Variants in LARGE1 observed in about 807,000 individuals in gnomAD.
LARGE1 encodes the protein LARGE xylosyl- and glucuronyltransferase 1, also known as xylosyl- and glucuronyltransferase LARGE1.
LARGE1 carries 43 observed loss-of-function variants against 87.6 expected under a neutral mutation model. That is an observed-to-expected ratio of 0.49 (90% CI 0.38 to 0.63). LARGE1 has a LOEUF of 0.63. Ranked by LOEUF, LARGE1 falls within the 30% of genes least tolerant of loss-of-function variation. LARGE1 has a pLI of 0.00. For missense variants in LARGE1, 802 were observed against 1,000.2 expected, an observed-to-expected ratio of 0.80 and a Z score of 2.67; for synonymous variants, 434 against 394.6, an observed-to-expected ratio of 1.10 and a Z score of -1.18.
chr22:33,562,286 A>T (rs1325379342), intron 6 of LARGE1, among the ~76,000 whole-genome samples: 1 of 152,134 alleles, frequency 6.6e-6, no homozygotes, highest in Non-Finnish European at 1.5e-5. Context: ...TTTCCAGAAA[A>T]ATTAGGGTGG....
downstream of LARGE1, among the ~76,000 whole-genome samples, chr22:33,267,979 G>A (rs562471153): frequency 1.9e-4 from 28 of 149,798 alleles, no homozygotes; most frequent in Middle Eastern, 3.4e-3. Flanking sequence ...TTTTTGAGAC[G>A]GGGTCTTGCT....
At chr22:33,330,485 G>T (rs1040383994) in intron 10 of LARGE1, among the ~76,000 whole-genome samples, 1 of 152,056 alleles carries the variant, frequency 6.6e-6, no homozygotes, top group African/African-American at 2.4e-5. Flanking sequence ...ACCGCACCCT[G>T]CCATTTCTTG....
In LARGE1 at chr22:33,316,172, C is replaced by T. The variant is rs767477591; in HGVS notation, c.1364G>A (p.Arg455His). Residue 455 changes from arginine to histidine, a missense_variant, in exon 11 of 15, where the codon CGC becomes CAC. Coordinates refer to ENST00000397394, the MANE Select transcript of LARGE1 (RefSeq NM_133642.5). The stretch of plus-strand genomic sequence containing the variant: ...GTAGTGCAGGAAGTACAGGTGGGTG[C>T]GGTGGACAGTGAAGCGCTCTCGCCG... ...EFRRERFTVH[R>H]THLYFLHYEY... The T allele has an allele frequency of 3.7e-6, 6 of 1,613,898 alleles. No individual in the cohort carries two copies. The highest frequency in any genetic ancestry group is 2.7e-5 in the African/African-American group (2 of 74,892).
At chr22:33,748,201 G>A (rs1443248157) in intron 2 of LARGE1, among the ~76,000 whole-genome samples, 2 of 147,224 alleles carry the variant, frequency 1.4e-5, no homozygotes, top group Non-Finnish European at 3.0e-5. Flanking sequence ...GCATGATCTC[G>A]GCTCACTGCA....
At chr22:33,737,147 T>C (rs959884061) in intron 2 of LARGE1, among the ~76,000 whole-genome samples, 3 of 152,206 alleles carry the variant, frequency 2.0e-5, no homozygotes, top group African/African-American at 7.2e-5. Context: ...CGTCATTTGC[T>C]TCTTATTTGT....
At chr22:33,653,046 T>C (rs949884292) in intron 2 of LARGE1, among the ~76,000 whole-genome samples, 2 of 152,194 alleles carry the variant, frequency 1.3e-5, no homozygotes, top group Non-Finnish European at 2.9e-5. Context: ...GTCTCCCTGT[T>C]TGGTACAACT....
At chr22:33,615,192 C>A (rs1167203371) in intron 4 of LARGE1, among the ~76,000 whole-genome samples, 1 of 152,092 alleles carries the variant, frequency 6.6e-6, no homozygotes, top group Non-Finnish European at 1.5e-5. Flanking sequence ...GAATCTTATA[C>A]CTAGATTTTT....
chr22:33,681,387 G>A (rs563938423), intron 2 of LARGE1, among the ~76,000 whole-genome samples: 9 of 152,268 alleles, frequency 5.9e-5, no homozygotes, highest in African/African-American at 1.7e-4. Context: ...CAGGGTTCAC[G>A]TCCCAGGTCT....
intron 12 of LARGE1, among the ~76,000 whole-genome samples, chr22:33,290,737 C>T (rs919723073): frequency 1.3e-4 from 20 of 152,070 alleles, no homozygotes; most frequent in African/African-American, 4.8e-4. Flanking sequence ...GGGCCATGGC[C>T]ATTTAGAAGT....
chr22:33,557,378 G>A (rs2077721753), intron 6 of LARGE1, among the ~76,000 whole-genome samples: 1 of 152,172 alleles, frequency 6.6e-6, no homozygotes, highest in Non-Finnish European at 1.5e-5. Context: ...CTGATTCTGA[G>A]TAGAAGGCAG....
At chr22:33,598,218 T>C (rs2079029278) in intron 5 of LARGE1, among the ~76,000 whole-genome samples, 1 of 152,162 alleles carries the variant, frequency 6.6e-6, no homozygotes, top group Admixed American at 6.5e-5. Context: ...ATCCTGGCTC[T>C]GCCATGTACC....
chr22:33,169,572 C>T (rs1161008633), intron 11 of LARGE1, among the ~76,000 whole-genome samples: 1 of 152,028 alleles, frequency 6.6e-6, no homozygotes. Flanking sequence ...TCCTGAGGGG[C>T]TGGGCGCAGT....
chr22:33,818,283 T>C (rs903077685), intron 1 of LARGE1, among the ~76,000 whole-genome samples: 1 of 152,180 alleles, frequency 6.6e-6, no homozygotes, highest in African/African-American at 2.4e-5. Context: ...CGTATTTGCT[T>C]ATAGTTTGTT....
At chr22:33,839,210 G>A (rs1197146272) in intron 1 of LARGE1, among the ~76,000 whole-genome samples, 1 of 152,186 alleles carries the variant, frequency 6.6e-6, no homozygotes, top group African/African-American at 2.4e-5. Flanking sequence ...CAATCATGGT[G>A]GGAGGTAAAA....
At chr22:33,564,509 T>C (rs1344539646) in intron 6 of LARGE1, among the ~76,000 whole-genome samples, 2 of 152,256 alleles carry the variant, frequency 1.3e-5, no homozygotes, top group East Asian at 1.9e-4. Flanking sequence ...CAGGCTTTCT[T>C]GGCAATTAGA....
chr22:33,646,555 C>T (rs2080619855), intron 3 of LARGE1, among the ~76,000 whole-genome samples: 1 of 151,398 alleles, frequency 6.6e-6, no homozygotes, highest in African/African-American at 2.4e-5. Flanking sequence ...ACCTATGTAA[C>T]AAACCTGCAC....
intron 7 of LARGE1, among the ~76,000 whole-genome samples, chr22:33,408,120 A>G (rs1455656109): frequency 6.6e-6 from 1 of 151,738 alleles, no homozygotes; most frequent in Non-Finnish European, 1.5e-5. Flanking sequence ...AGCTGGGATT[A>G]CAGGCGTGCA....
intron 6 of LARGE1, among the ~76,000 whole-genome samples, chr22:33,492,951 C>T (rs984986408): frequency 1.3e-5 from 2 of 152,092 alleles, no homozygotes; most frequent in Non-Finnish European, 1.5e-5. Context: ...ACATACTCTG[C>T]TGTGATGCTT....
intron 2 of LARGE1, among the ~76,000 whole-genome samples, chr22:33,752,945 G>A (rs984060436): frequency 5.9e-5 from 9 of 152,250 alleles, no homozygotes; most frequent in Admixed American, 1.3e-4. Flanking sequence ...GGTCTGGCCA[G>A]GTGGGGCAGC....
Sources: gnomAD v4.1 joint callset for allele counts (sites outside exome capture counted in the v4.1 genomes callset) on GRCh38, gnomAD v4.1.1 for gene constraint, MANE v1.5 for transcripts, NCBI Gene and HGNC (gene_info 2026-07-23, HGNC 2026-07-21) for gene names.